SUCLA2: variants seen among roughly 807,000 people sequenced by gnomAD.
The protein encoded by SUCLA2 is succinate--CoA ligase [ADP-forming] subunit beta, mitochondrial.
A neutral mutation model predicts 54.8 loss-of-function variants in SUCLA2; 30 were observed. The observed-to-expected ratio is 0.55, with a 90% CI of 0.41 to 0.74. SUCLA2 has a LOEUF of 0.74. Among genes scored for constraint, SUCLA2 ranks in the 30% least tolerant of loss-of-function variants. The pLI, the probability that SUCLA2 is intolerant of heterozygous loss-of-function variation, is 0.00. For missense variants in SUCLA2, 476 were observed against 562.9 expected, an observed-to-expected ratio of 0.85 and a Z score of 1.56; for synonymous variants, 172 against 188.9, an observed-to-expected ratio of 0.91 and a Z score of 0.74.
chr13:47,943,400 C>T lies in SUCLA2; in HGVS notation c.1363G>A (p.Val455Met). 6.2e-7 allele frequency: 1 copy of T among 1,613,914 alleles called. No individual in the cohort carries two copies. The highest frequency in any genetic ancestry group is 8.5e-7 in the Non-Finnish European group (1 of 1,179,862). ...ATTGGCAACTGAAATTTCACATCCACATGTGCTTGCTTCGCTAAGGTCACT... is the reference window on the plus strand; with the variant it reads ...ATTGGCAACTGAAATTTCACATCCATATGTGCTTGCTTCGCTAAGGTCACT... ...EIVTLAKQAH[V>M]DVKFQLPI The change falls in exon 11 of 11, where the codon GTG (valine) becomes ATG (methionine). Residue 455 changes from valine to methionine, a missense_variant. Val to Met is a conservative substitution (Grantham distance 21). This residue lies in a region of SUCLA2 where 342 missense variants were observed against 444.2 expected (regional missense o/e 0.77). Coordinates refer to ENST00000646932, the MANE Select transcript of SUCLA2 (RefSeq NM_003850.3).
At chr13:47,967,465 C>A (rs1949928283) in intron 6 of SUCLA2, among the ~76,000 whole-genome samples, 1 of 151,136 alleles carries the variant, frequency 6.6e-6, no homozygotes, top group Non-Finnish European at 1.5e-5. Context: ...CTAAACTGAC[C>A]CAAAAGAAAA....
At chr13:47,996,352 A>G (rs931571939) in intron 2 of SUCLA2, among the ~76,000 whole-genome samples, 1 of 151,428 alleles carries the variant, frequency 6.6e-6, no homozygotes, top group Non-Finnish European at 1.5e-5. Context: ...AAAGAAAAAG[A>G]AACTCTGCTC....
At chr13:47,970,981 A>G (rs1949957865) in intron 5 of SUCLA2, among the ~76,000 whole-genome samples, 1 of 152,246 alleles carries the variant, frequency 6.6e-6, no homozygotes, top group African/African-American at 2.4e-5. Flanking sequence ...GCTTGCAGTG[A>G]GTCAGGATCG....
intron 4 of SUCLA2, among the ~76,000 whole-genome samples, chr13:47,984,367 GT>G (rs139108827): frequency 0.73 from 109,486 of 150,134 alleles, 40,811 homozygotes; most frequent in Non-Finnish European, 0.81. Flanking sequence ...CTAATTTTTT[GT>G]TTTTTTTGTA....
chr13:47,950,036 C>T (rs1047709260), intron 8 of SUCLA2, among the ~76,000 whole-genome samples: 3 of 152,190 alleles, frequency 2.0e-5, no homozygotes, highest in Non-Finnish European at 4.4e-5. Flanking sequence ...AGAGTAACAC[C>T]ATCCTGAAGC....
chr13:47,971,468 C>T (rs1445392226), intron 5 of SUCLA2: 2 of 162,832 alleles, frequency 1.2e-5, no homozygotes, highest in African/African-American at 2.4e-5. Flanking sequence ...ATATCCAAAG[C>T]AAACAATTTA....
chr13:47,985,396 C>G (rs893056353), intron 4 of SUCLA2, among the ~76,000 whole-genome samples: 2 of 151,920 alleles, frequency 1.3e-5, no homozygotes, highest in African/African-American at 2.4e-5. Flanking sequence ...CCTCCACCCC[C>G]ACCCCGACAG....
chr13:47,944,978 C>T (rs1853929), intron 10 of SUCLA2, among the ~76,000 whole-genome samples: 110,663 of 151,676 alleles, frequency 0.73, 41,309 homozygotes, highest in Non-Finnish European at 0.82. Flanking sequence ...CAAGGCTGGG[C>T]GCAGTGGCTC....
intron 6 of SUCLA2, among the ~76,000 whole-genome samples, chr13:47,959,464 A>C (rs1490292725): frequency 1.0e-5 from 1 of 96,558 alleles, no homozygotes; most frequent in Non-Finnish European, 2.0e-5. Context: ...GGAGAGGTGG[A>C]GGAGGAGGGG....
intron 1 of SUCLA2, among the ~76,000 whole-genome samples, chr13:48,000,417 C>T (rs1259045966): frequency 6.6e-6 from 1 of 152,200 alleles, no homozygotes; most frequent in African/African-American, 2.4e-5. Flanking sequence ...TACTTGTTCT[C>T]TTAACCATAA....
chr13:47,997,111 C>A, intron 1 of SUCLA2, 88 bp from the exon 2 acceptor site: 1 of 1,362,446 alleles, frequency 7.3e-7, no homozygotes, highest in Non-Finnish European at 1.0e-6. Flanking sequence ...TATAACAAAA[C>A]TGTTACATTA....
intron 6 of SUCLA2, among the ~76,000 whole-genome samples, chr13:47,968,129 C>T (rs751309190): frequency 5.9e-5 from 9 of 152,118 alleles, no homozygotes; most frequent in Admixed American, 1.3e-4. Flanking sequence ...CAATCACCAC[C>T]ACACTGCATA....
chr13:47,982,889 C>T (rs985493281), intron 4 of SUCLA2, among the ~76,000 whole-genome samples: 1 of 152,098 alleles, frequency 6.6e-6, no homozygotes, highest in Admixed American at 6.6e-5. Flanking sequence ...TATCCTTTGG[C>T]TATAATAAAA....
chr13:47,943,324 T>C lies in SUCLA2; in HGVS notation c.*47A>G, dbSNP rs748752339. 1.2e-5 allele frequency: 19 copies of C among 1,543,626 alleles called. No individual in the cohort carries two copies. Among genetic ancestry groups the C allele is most frequent in the African/African-American group, 5.4e-5 (4 of 73,482 alleles). On this transcript the variant is annotated 3_prime_UTR_variant, in exon 11 of 11. Transcript: ENST00000646932. The stretch of plus-strand genomic sequence containing the variant: ...ATAACACAGAACACAGTATTCTTAA[T>C]GATTATAGCACATTTAACACCTTCA...
At position 47,970,349 on chromosome 13, in the gene SUCLA2, T is replaced by G. The variant is rs55935345; in HGVS notation, c.664-1616A>C. Among the ~76,000 whole-genome samples, 1,349 of 152,304 alleles carry G rather than the reference T, an allele frequency of 8.9e-3. 14 individuals carry two copies. The highest frequency in any genetic ancestry group is 0.011 in the Non-Finnish European group (738 of 68,028). On this transcript the variant is annotated intron_variant, in intron 5 of 10. Coordinates refer to ENST00000646932, the MANE Select transcript of SUCLA2 (RefSeq NM_003850.3). The stretch of plus-strand genomic sequence containing the variant: ...GCTCTATTTCCACTCATCACCATCA[T>G]GCAAAATGCTATAATCTTAGATTAT...
chr13:47,987,377 G>A (rs192454204), intron 4 of SUCLA2, among the ~76,000 whole-genome samples: 46 of 152,146 alleles, frequency 3.0e-4, no homozygotes, highest in African/African-American at 1.1e-3. Context: ...GATATATAAT[G>A]TCAATGAAAA....
At chr13:47,988,073 C>A (rs1950117430) in intron 4 of SUCLA2, 2 of 157,208 alleles carry the variant, frequency 1.3e-5, no homozygotes, top group African/African-American at 2.4e-5. Flanking sequence ...CTCAATTTAC[C>A]AAATATTGAA....
intron 8 of SUCLA2, among the ~76,000 whole-genome samples, chr13:47,950,832 C>T (rs1473485535): frequency 6.6e-6 from 1 of 152,132 alleles, no homozygotes; most frequent in Non-Finnish European, 1.5e-5. Flanking sequence ...AAGCAATCTT[C>T]TCCATCTACC....
At chr13:47,949,986 C>G (rs1949763478) in intron 8 of SUCLA2, among the ~76,000 whole-genome samples, 1 of 152,178 alleles carries the variant, frequency 6.6e-6, no homozygotes, top group African/African-American at 2.4e-5. Flanking sequence ...CCTATCATTT[C>G]CTCATTTATC....
Sources: allele counts gnomAD v4.1 joint callset (sites outside exome capture counted in the v4.1 genomes callset), GRCh38; gene constraint gnomAD v4.1.1; regional missense constraint gnomAD v4.1.1; transcripts MANE v1.5; gene names NCBI Gene and HGNC (gene_info 2026-07-23, HGNC 2026-07-21).